MSANTD5: variants seen among roughly 807,000 people sequenced by gnomAD.
The protein encoded by MSANTD5 is uncharacterized protein MSANTD5.
chr5:178,700,722 C>T (rs550948143), upstream of MSANTD5, among the ~76,000 whole-genome samples: 58 of 142,202 alleles, frequency 4.1e-4, no homozygotes, highest in East Asian at 8.4e-4. Flanking sequence ...ATGCATAATC[C>T]GGGCTGAGAG....
At chr5:178,697,402 C>A (rs192339735) in intron 1 of MSANTD5, among the ~76,000 whole-genome samples, 184 bp downstream of exon 1, 8 of 152,222 alleles carry the variant, frequency 5.3e-5, no homozygotes, top group Admixed American at 2.0e-4. Context: ...TGCAGTGAGC[C>A]GGGATCGCGC....
At chr5:178,693,993 A>G (rs1765383538), downstream of MSANTD5, among the ~76,000 whole-genome samples, 1 of 152,016 alleles carries the variant, frequency 6.6e-6, no homozygotes, top group South Asian at 2.1e-4. Context: ...TTTAATTTTA[A>G]TACGAGGATC....
chr5:178,699,655 C>T (rs1363860200), upstream of MSANTD5, among the ~76,000 whole-genome samples: 1 of 152,208 alleles, frequency 6.6e-6, no homozygotes, highest in Non-Finnish European at 1.5e-5. Flanking sequence ...AGGTGATCCA[C>T]CCACCTTGGC....
the MSANTD5 span, among the ~76,000 whole-genome samples, chr5:178,704,411 C>A: frequency 6.6e-6 from 1 of 152,152 alleles, no homozygotes; most frequent in Non-Finnish European, 1.5e-5. Flanking sequence ...CCCCCTTCAC[C>A]ACCTGAAGAA....
At chr5:178,699,038 C>A (rs1581734460), upstream of MSANTD5, among the ~76,000 whole-genome samples, 2 of 152,258 alleles carry the variant, frequency 1.3e-5, no homozygotes, top group Admixed American at 1.3e-4. Context: ...TCAGGAAACT[C>A]TTCTCTGTGC....
intron 1 of MSANTD5, among the ~76,000 whole-genome samples, chr5:178,697,365 A>C (rs971205210): frequency 6.6e-6 from 1 of 151,984 alleles, no homozygotes; most frequent in African/African-American, 2.4e-5. Context: ...GAGGCAGGAG[A>C]ATGGCCTGAA....
chr5:178,700,100 C>T (rs115989192), upstream of MSANTD5, among the ~76,000 whole-genome samples: 1 of 152,146 alleles, frequency 6.6e-6, no homozygotes, highest in African/African-American at 2.4e-5. Context: ...GCTCCCATCA[C>T]CAGTCACCCA....
the MSANTD5 span, among the ~76,000 whole-genome samples, chr5:178,706,535 T>G: frequency 7.2e-5 from 11 of 151,966 alleles, no homozygotes; most frequent in South Asian, 2.3e-3. Flanking sequence ...GTGGTATAAC[T>G]TTGCCTCCTT....
At chr5:178,700,224 C>T (rs1404513034), upstream of MSANTD5, among the ~76,000 whole-genome samples, 3 of 152,146 alleles carry the variant, frequency 2.0e-5, no homozygotes, top group African/African-American at 4.8e-5. Flanking sequence ...GGACACAGTA[C>T]ATTTCAACAC....
At chr5:178,702,658 T>C (rs111704069), upstream of MSANTD5, among the ~76,000 whole-genome samples, 1,477 of 151,064 alleles carry the variant, frequency 9.8e-3, 15 homozygotes, top group African/African-American at 0.033. Flanking sequence ...AGTGCAGTGG[T>C]ACCATCTCAG....
At chr5:178,702,291 C>CT (rs906079918), upstream of MSANTD5, among the ~76,000 whole-genome samples, 26 of 142,208 alleles carry the variant, frequency 1.8e-4, no homozygotes, top group Non-Finnish European at 2.9e-4. Flanking sequence ...ATTTTTCTTT[C>CT]TTTTTTTTTC....
chr5:178,699,679 G>A (rs1043921727), upstream of MSANTD5, among the ~76,000 whole-genome samples: 2 of 152,248 alleles, frequency 1.3e-5, no homozygotes, highest in Admixed American at 6.5e-5. Context: ...CCAAAATGCT[G>A]GGATTACAGG....
At chr5:178,701,582 GAA>G (rs1409385444), upstream of MSANTD5, among the ~76,000 whole-genome samples, 2 of 150,958 alleles carry the variant, frequency 1.3e-5, no homozygotes, top group Non-Finnish European at 2.9e-5. Flanking sequence ...TGAGGTAGGA[GAA>G]TCTCTTGAAC....
chr5:178,700,470 G>T (rs1381946328), upstream of MSANTD5, among the ~76,000 whole-genome samples: 3 of 152,196 alleles, frequency 2.0e-5, no homozygotes, highest in Non-Finnish European at 2.9e-5. Context: ...TGAGCTCTTT[G>T]CCTTAAAGGA....
chr5:178,700,138 G>A (rs796608640), upstream of MSANTD5, among the ~76,000 whole-genome samples: 8 of 152,172 alleles, frequency 5.3e-5, no homozygotes, highest in South Asian at 6.2e-4. Flanking sequence ...GCAGGCCCCC[G>A]TCGCCCTGGG....
chr5:178,704,356 T>C, the MSANTD5 span, among the ~76,000 whole-genome samples: 20 of 152,202 alleles, frequency 1.3e-4, no homozygotes, highest in Non-Finnish European at 2.6e-4. Flanking sequence ...GGAGCCCTCC[T>C]GCATAGGATT....
chr5:178,697,642 C>T (rs1765433594), exon 1 of MSANTD5: 1 of 152,104 alleles, frequency 6.6e-6, no homozygotes, highest in Non-Finnish European at 1.5e-5. Context: ...CCTGCAGGGT[C>T]TGGTCAGTTC....
At chr5:178,694,886 G>C (rs780779399) in exon 4 of MSANTD5, 2 of 152,116 alleles carry the variant, frequency 1.3e-5, no homozygotes, top group Non-Finnish European at 2.9e-5. Flanking sequence ...CTATGGGAAC[G>C]CCATAGGCCT....
At chr5:178,692,830 G>T (rs1295561091), downstream of MSANTD5, among the ~76,000 whole-genome samples, 1 of 151,872 alleles carries the variant, frequency 6.6e-6, no homozygotes, top group Non-Finnish European at 1.5e-5. Flanking sequence ...CAGTGAGAGG[G>T]TTTCTTCTGG....
Sources: allele counts gnomAD v4.1 joint callset (sites outside exome capture counted in the v4.1 genomes callset), GRCh38; gene constraint gnomAD v4.1.1; transcripts MANE v1.5; gene names NCBI Gene and HGNC (gene_info 2026-07-23, HGNC 2026-07-21).